The following SLX4IP variants were observed in gnomAD, a reference collection of about 807,000 sequenced individuals.
SLX4IP encodes the protein protein SLX4IP.
SLX4IP carries 34 observed loss-of-function variants against 32.9 expected under a neutral mutation model. That is an observed-to-expected ratio of 1.03 (90% CI 0.79 to 1.38). SLX4IP has a LOEUF of 1.38. Ranked by LOEUF, SLX4IP falls within the 40% of genes most tolerant of loss-of-function variation. The pLI is 0.00. For missense variants in SLX4IP, 444 were observed against 479.0 expected, an observed-to-expected ratio of 0.93 and a Z score of 0.68; for synonymous variants, 172 against 171.7, an observed-to-expected ratio of 1.00 and a Z score of -0.01.
At chr20:10,496,826 G>A (rs2065672321) in intron 2 of SLX4IP, among the ~76,000 whole-genome samples, 1 of 152,070 alleles carries the variant, frequency 6.6e-6, no homozygotes. Flanking sequence ...ATGGGGCTTG[G>A]GGTCATATCA....
intron 7 of SLX4IP, among the ~76,000 whole-genome samples, chr20:10,622,424 C>A (rs2067122194): frequency 6.6e-6 from 1 of 152,120 alleles, no homozygotes; most frequent in Admixed American, 6.5e-5. Flanking sequence ...CATTTTTAAC[C>A]CAATGATTGA....
chr20:10,528,322 A>C (rs944394426), intron 2 of SLX4IP, among the ~76,000 whole-genome samples: 12 of 152,202 alleles, frequency 7.9e-5, no homozygotes, highest in African/African-American at 2.7e-4. Context: ...ATCAAACATT[A>C]GTTTGATAAA....
At chr20:10,525,116 T>C (rs2065930577) in intron 2 of SLX4IP, among the ~76,000 whole-genome samples, 1 of 152,224 alleles carries the variant, frequency 6.6e-6, no homozygotes, top group African/African-American at 2.4e-5. Flanking sequence ...TACAATCTGA[T>C]CCAGCTTATC....
At chr20:10,462,302 G>A (rs2065344247) in intron 2 of SLX4IP, among the ~76,000 whole-genome samples, 1 of 152,198 alleles carries the variant, frequency 6.6e-6, no homozygotes, top group Non-Finnish European at 1.5e-5. Flanking sequence ...TACTGGAAGT[G>A]GAGGATACAA....
At chr20:10,453,665 T>C (rs1467277777) in intron 1 of SLX4IP, among the ~76,000 whole-genome samples, 4 of 152,156 alleles carry the variant, frequency 2.6e-5, no homozygotes, top group Non-Finnish European at 5.9e-5. Flanking sequence ...TCCATTTCTT[T>C]GGGCGGTTTG....
chr20:10,463,765 A>G (rs1182675712), intron 2 of SLX4IP, among the ~76,000 whole-genome samples: 1 of 152,206 alleles, frequency 6.6e-6, no homozygotes, highest in Non-Finnish European at 1.5e-5. Flanking sequence ...AGCATAGTAT[A>G]CTACGTGGCT....
chr20:10,622,628 C>G, intron 7 of SLX4IP, 31 bp from the exon 8 acceptor site: 1 of 1,572,674 alleles, frequency 6.4e-7, no homozygotes, highest in East Asian at 2.2e-5. Flanking sequence ...GACAGCTTTA[C>G]AAACCATAAA....
chr20:10,436,761 CT>C (rs1823701094), intron 1 of SLX4IP, among the ~76,000 whole-genome samples: 3 of 152,054 alleles, frequency 2.0e-5, no homozygotes, highest in Admixed American at 2.0e-4. Context: ...TTTTTCTGTG[CT>C]TTTAGTTCAT....
intron 2 of SLX4IP, among the ~76,000 whole-genome samples, chr20:10,479,028 G>A (rs1307308475): frequency 1.3e-5 from 2 of 152,222 alleles, no homozygotes; most frequent in African/African-American, 4.8e-5. Context: ...CCAGGGATGA[G>A]CTTGCCAATC....
In SLX4IP at chr20:10,467,728, T is replaced by G. The variant is rs1255152777; in HGVS notation, c.27+9497T>G. 4.6e-5 allele frequency among the ~76,000 whole-genome samples: 7 copies of G among 152,190 alleles called. No individual in the cohort carries two copies. In the East Asian group the frequency reaches 1.3e-3, roughly 29 times the overall value. On this transcript the variant is annotated intron_variant, in intron 2 of 7. Transcript: ENST00000334534. Reference sequence around the variant, plus strand: ...AGAATTGAAATAAAATTAGTAAAAGTTTTCACACCAGCAGTCACCCAATGA... The same window carrying G: ...AGAATTGAAATAAAATTAGTAAAAGGTTTCACACCAGCAGTCACCCAATGA...
intron 2 of SLX4IP, among the ~76,000 whole-genome samples, chr20:10,475,053 G>A (rs1426079228): frequency 6.6e-6 from 1 of 152,160 alleles, no homozygotes; most frequent in Non-Finnish European, 1.5e-5. Flanking sequence ...CTCTTCATTG[G>A]GAATATTATC....
At chr20:10,465,373 G>A (rs960148783) in intron 2 of SLX4IP, among the ~76,000 whole-genome samples, 3 of 152,180 alleles carry the variant, frequency 2.0e-5, no homozygotes, top group Non-Finnish European at 4.4e-5. Context: ...ATCCCTGGCT[G>A]CTTTTATGCT....
At chr20:10,561,989 C>T (rs544022103) in intron 4 of SLX4IP, among the ~76,000 whole-genome samples, 1 of 152,266 alleles carries the variant, frequency 6.6e-6, no homozygotes, top group East Asian at 1.9e-4. Context: ...CGGTGCCCTG[C>T]GGCTCAACCC....
At chr20:10,448,383 G>GAAGAATT (rs2065218120) in intron 1 of SLX4IP, among the ~76,000 whole-genome samples, 1 of 152,108 alleles carries the variant, frequency 6.6e-6, no homozygotes, top group African/African-American at 2.4e-5. Flanking sequence ...TTTGAGGTGG[G>GAAGAATT]AAGAATTAAA....
rs563633759 is a variant in SLX4IP at position 10,531,062 on chromosome 20, G to A, written c.28-25169G>A. Among the ~76,000 whole-genome samples the A allele has an allele frequency of 2.1e-4, 32 of 152,312 alleles. No individual in the cohort carries two copies. The South Asian group carries it at 3.1e-3, about 15-fold the overall frequency. On this transcript the variant is annotated intron_variant, in intron 2 of 7. Transcript: ENST00000334534. ...AGACTGCACATGGATAGTCCACTGA[G>A]CAATGTGACATGAAGATGGATGGGC... is the stretch of plus-strand genomic sequence containing the variant.
At chr20:10,603,602 T>G (rs913736149) in intron 6 of SLX4IP, among the ~76,000 whole-genome samples, 2 of 152,204 alleles carry the variant, frequency 1.3e-5, no homozygotes, top group Non-Finnish European at 2.9e-5. Context: ...TTGTGGTCAG[T>G]TTCTGTCTCT....
intron 2 of SLX4IP, among the ~76,000 whole-genome samples, chr20:10,463,339 C>T (rs1192614131): frequency 6.6e-6 from 1 of 152,136 alleles, no homozygotes; most frequent in Admixed American, 6.6e-5. Flanking sequence ...AATTGTGTTC[C>T]TCTTTGGGTA....
chr20:10,578,962 A>AGATATAAGTCCCTTATCAGCT (rs2066552245), intron 4 of SLX4IP, among the ~76,000 whole-genome samples: 1 of 152,146 alleles, frequency 6.6e-6, no homozygotes, highest in African/African-American at 2.4e-5. Context: ...TAAACATTCT[A>AGATATAAGTCCCTTATCAGCT]GATATAAGTC....
At chr20:10,598,300 G>A (rs1863654416) in intron 4 of SLX4IP, among the ~76,000 whole-genome samples, 1 of 152,050 alleles carries the variant, frequency 6.6e-6, no homozygotes, top group Admixed American at 6.6e-5. Flanking sequence ...ATAGAGTCTC[G>A]CTCTGTCACT....
Sources: allele counts gnomAD v4.1 joint callset (sites outside exome capture counted in the v4.1 genomes callset), GRCh38; gene constraint gnomAD v4.1.1; transcripts MANE v1.5; gene names NCBI Gene and HGNC (gene_info 2026-07-23, HGNC 2026-07-21).